Variants in NCOR2 observed in about 807,000 individuals in gnomAD.
NCOR2 encodes the protein nuclear receptor corepressor 2, also known as CTG repeat protein 26.
Under a neutral mutation model 262.9 loss-of-function variants are expected in NCOR2, and 81 were observed. That is an observed-to-expected ratio of 0.31 (90% confidence interval 0.26 to 0.37). The LOEUF is 0.37. Among genes scored for constraint, NCOR2 ranks in the 10% least tolerant of loss-of-function variants. The pLI is 1.00. For synonymous variants in NCOR2, 1,659 were observed against 1,559.3 expected, an observed-to-expected ratio of 1.06 and a Z score of -1.51; for missense variants, 3,385 against 3,621.4, an observed-to-expected ratio of 0.93 and a Z score of 1.68.
intron 32 of NCOR2, 142 bp from the exon 35 acceptor site, chr12:124,343,368 GCTCA>G: frequency 4.7e-6 from 3 of 638,988 alleles, no homozygotes; most frequent in Non-Finnish European, 7.8e-6. Flanking sequence ...TTCACTTTTT[GCTCA>G]CTGACTCATT....
exon 34 of NCOR2, chr12:124,341,988 C>A (rs756170062): frequency 1.9e-6 from 3 of 1,613,332 alleles, no homozygotes; most frequent in African/African-American, 1.3e-5. Context: ...GCCGCCGTGT[C>A]GGGGTAGCCG....
chr12:124,372,732 C>T (rs867015617), intron 19 of NCOR2, 122 bp from the exon 22 acceptor site: 1 of 819,770 alleles, frequency 1.2e-6, no homozygotes, highest in South Asian at 1.7e-5. Flanking sequence ...AGCCCCGAGG[C>T]TCCTACACAC....
chr12:124,454,416 C>T lies in NCOR2; in HGVS notation c.762+2690G>A, dbSNP rs533225067. Among the ~76,000 whole-genome samples the T allele has an allele frequency of 6.6e-6, 1 of 152,274 alleles. No individual in the cohort carries two copies. The highest frequency in any genetic ancestry group is 1.5e-5 in the Non-Finnish European group (1 of 68,034). On this transcript the variant is annotated intron_variant, in intron 6 of 46. Transcript: ENST00000405201. This position sits in a 1 kb window ranked among gnomAD's most constrained non-coding sequence, Gnocchi z 5.6. ...CCCCGTCCCCTTGTCTCCAAAGAAC[C>T]AGAGAAGACTCACTGTGGGGTCCCT...
chr12:124,552,450 C>G (rs1212505044), intron 1 of NCOR2, among the ~76,000 whole-genome samples: 1 of 152,240 alleles, frequency 6.6e-6, no homozygotes, highest in Non-Finnish European at 1.5e-5. Flanking sequence ...TCTCTTCACT[C>G]TGTGCTCTTC....
In NCOR2 at chr12:124,331,006, T is replaced by C. The variant is rs1265154932; in HGVS notation, c.6905-108A>G. 12 of 1,145,702 alleles carry C rather than the reference T, an allele frequency of 1.0e-5. No individual in the cohort carries two copies. In the East Asian group the frequency reaches 2.9e-4, roughly 27 times the overall value. The allele number at this position is 1,145,702 out of a possible 1,614,324, so 71.0% of individuals were successfully genotyped here. ...GTGTGCTGGCATCACCTGGGGAAAC[T>C]TGTGCATTGCAGGTTCTCATGCAGC... On this transcript the variant is annotated intron_variant, in intron 43 of 46. Transcript: ENST00000405201.
chr12:124,442,080 C>A (rs1405846380), intron 7 of NCOR2, among the ~76,000 whole-genome samples: 1 of 152,214 alleles, frequency 6.6e-6, no homozygotes, highest in African/African-American at 2.4e-5. Flanking sequence ...AATGCAAAGA[C>A]AGCTGGTAGT....
chr12:124,496,838 T>C (rs898763369), upstream of NCOR2, among the ~76,000 whole-genome samples: 4 of 150,394 alleles, frequency 2.7e-5, 1 homozygote, highest in East Asian at 2.0e-4. This position sits in a 1 kb window ranked among gnomAD's most constrained non-coding sequence, Gnocchi z 4.4. Flanking sequence ...TGTGACCCAA[T>C]AGGAGTCAAT....
intron 46 of NCOR2, 165 bp downstream of exon 48, chr12:124,326,026 G>A (rs573110895): frequency 9.3e-5 from 68 of 732,430 alleles, no homozygotes; most frequent in Admixed American, 2.8e-4. Context: ...CTGATGGTTC[G>A]TGAGCCAGGC....
At chr12:124,562,061 A>T (rs150752685) in intron 1 of NCOR2, 5 of 152,296 alleles carry the variant, frequency 3.3e-5, no homozygotes, top group African/African-American at 4.8e-5. Context: ...AAGGAATCAG[A>T]TACCAAGAGC....
intron 19 of NCOR2, among the ~76,000 whole-genome samples, chr12:124,374,006 C>T (rs559028503): frequency 1.7e-4 from 26 of 152,270 alleles, no homozygotes; most frequent in Middle Eastern, 6.8e-3. Context: ...AGCACGCACC[C>T]AAGGATGGCA....
intron 12 of NCOR2, among the ~76,000 whole-genome samples, chr12:124,421,287 A>G (rs970489812): frequency 3.9e-5 from 6 of 152,208 alleles, no homozygotes; most frequent in Admixed American, 3.3e-4. Flanking sequence ...CAGCCAAAGA[A>G]CATCATGAAG....
chr12:124,459,208 C>T (rs889743689), intron 5 of NCOR2, among the ~76,000 whole-genome samples: 2 of 152,032 alleles, frequency 1.3e-5, no homozygotes, highest in Admixed American at 6.5e-5. Flanking sequence ...AGCAACTGTC[C>T]ATCTAGATAA....
chr12:124,493,828 C>T (rs1200111900), intron 1 of NCOR2, among the ~76,000 whole-genome samples: 1 of 152,202 alleles, frequency 6.6e-6, no homozygotes, highest in Non-Finnish European at 1.5e-5. Flanking sequence ...TGGGGGGACA[C>T]AGAAGCTTGG....
intron 23 of NCOR2, 58 bp from the exon 26 acceptor site, chr12:124,355,629 C>T: frequency 6.7e-7 from 1 of 1,490,464 alleles, no homozygotes. Flanking sequence ...CCCTGCCGGA[C>T]ACACACTCCA....
At chr12:124,390,481 C>G (rs577747460) in intron 16 of NCOR2, among the ~76,000 whole-genome samples, 1 of 151,778 alleles carries the variant, frequency 6.6e-6, no homozygotes, top group Admixed American at 6.6e-5. Flanking sequence ...CAAAGTGACC[C>G]CCCCCCGTCG....
At chr12:124,336,231 G>A (rs182045544) in intron 38 of NCOR2, 107 of 164,884 alleles carry the variant, frequency 6.5e-4, no homozygotes, top group African/African-American at 2.2e-3. Flanking sequence ...TCCTTGCACC[G>A]CCTGCCTCCA....
chr12:124,404,075 A>G (rs1263553914), intron 13 of NCOR2, among the ~76,000 whole-genome samples: 1 of 152,204 alleles, frequency 6.6e-6, no homozygotes, highest in African/African-American at 2.4e-5. Context: ...CCTCAAACGT[A>G]ACGTTTAAAC....
At chr12:124,448,865 G>A (rs1484365093) in intron 7 of NCOR2, among the ~76,000 whole-genome samples, 3 of 152,120 alleles carry the variant, frequency 2.0e-5, no homozygotes, top group African/African-American at 4.8e-5. Flanking sequence ...ACTACCCACC[G>A]AATCAGCTAA....
At chr12:124,359,932 A>C (rs915150030) in intron 22 of NCOR2, among the ~76,000 whole-genome samples, 1 of 152,226 alleles carries the variant, frequency 6.6e-6, no homozygotes, top group African/African-American at 2.4e-5. Context: ...CAGGCTGTGC[A>C]AGAAAGGCAT....
Sources: gnomAD v4.1 joint callset for allele counts (sites outside exome capture counted in the v4.1 genomes callset) on GRCh38, gnomAD v4.1.1 for gene constraint, Gnocchi (gnomAD v3.1) non-coding constraint, MANE v1.5 for transcripts, NCBI Gene and HGNC (gene_info 2026-07-23, HGNC 2026-07-21) for gene names.